The following AUTS2 variants were observed in gnomAD, a reference collection of about 807,000 sequenced individuals.
AUTS2 encodes autism susceptibility gene 2 protein.
AUTS2 carries 17 observed loss-of-function variants against 112.4 expected under a neutral mutation model. The ratio of observed to expected loss-of-function variants is 0.15; its 90% CI spans 0.10 to 0.23. AUTS2 has a LOEUF of 0.23. Ranked by LOEUF, AUTS2 falls within the 10% of genes least tolerant of loss-of-function variation. AUTS2 has a pLI of 1.00. For synonymous variants in AUTS2, 751 were observed against 702.7 expected, an observed-to-expected ratio of 1.07 and a Z score of -1.09; for missense variants, 1,510 against 1,701.6, an observed-to-expected ratio of 0.89 and a Z score of 1.98.
At chr7:69,876,361 T>A (rs867013175) in intron 1 of AUTS2, among the ~76,000 whole-genome samples, 68 of 108,564 alleles carry the variant, frequency 6.3e-4, no homozygotes, top group Middle Eastern at 4.3e-3. Flanking sequence ...TATATATATA[T>A]ATATATATAT....
At chr7:70,444,343 C>CGTGTGT (rs370735846) in intron 5 of AUTS2, among the ~76,000 whole-genome samples, 3,810 of 138,482 alleles carry the variant, frequency 0.028, 74 homozygotes, top group Non-Finnish European at 0.035. Context: ...TGGTCATGTA[C>CGTGTGT]GTGTGTGTGT....
chr7:69,740,949 G>T (rs748089902), intron 1 of AUTS2, among the ~76,000 whole-genome samples: 2 of 152,126 alleles, frequency 1.3e-5, no homozygotes, highest in Non-Finnish European at 2.9e-5. Context: ...GTGGCGATGG[G>T]CTTGGATAGT....
chr7:70,519,908 T>G (rs989384356), intron 5 of AUTS2, among the ~76,000 whole-genome samples: 4 of 152,218 alleles, frequency 2.6e-5, no homozygotes, highest in Admixed American at 2.0e-4. Flanking sequence ...CTGAGTCTAC[T>G]TTTTGAAATA....
intron 6 of AUTS2, among the ~76,000 whole-genome samples, chr7:70,727,176 G>A (rs182291775): frequency 3.9e-5 from 6 of 152,292 alleles, no homozygotes; most frequent in African/African-American, 1.4e-4. Context: ...GTAGCTTTCC[G>A]ATTGTGATCA....
chr7:69,778,246 ATTTTT>A (rs67736075), intron 1 of AUTS2, among the ~76,000 whole-genome samples: 1 of 128,160 alleles, frequency 7.8e-6, no homozygotes, highest in South Asian at 2.5e-4. Context: ...ATATATATAT[ATTTTT>A]TTTTTTTTTT....
chr7:70,731,577 C>A (rs1197668812), intron 6 of AUTS2, among the ~76,000 whole-genome samples: 1 of 151,424 alleles, frequency 6.6e-6, no homozygotes, highest in East Asian at 1.9e-4. Context: ...CTACAGGTGC[C>A]CGCCACCATG....
rs1405575403 is a variant in AUTS2 at position 69,800,413 on chromosome 7, G to A, written c.310-98873G>A. ...CCTATGATTATTTCTGGGATCAACA[G>A]ATACATCCCTGTTGTAGAAGTCCAA... On this transcript the variant is annotated intron_variant, in intron 1 of 18. Coordinates refer to ENST00000342771, the MANE Select transcript of AUTS2 (RefSeq NM_015570.4). Among the ~76,000 whole-genome samples the A allele has an allele frequency of 2.0e-5, 3 of 152,200 alleles. No individual in the cohort carries two copies. The East Asian group carries it at 5.8e-4, about 29-fold the overall frequency.
chr7:70,694,591 C>G lies in AUTS2; in HGVS notation c.691-3978C>G, dbSNP rs1808963874. 1 of 148,948 alleles carries G rather than the reference C, an allele frequency of 6.7e-6. No homozygotes were observed. Among genetic ancestry groups the G allele is most frequent in the Non-Finnish European group, 1.5e-5 (1 of 67,030 alleles). 9.2% of individuals were successfully genotyped at this position (148,948 alleles called of 1,614,324 possible). ...CCGCCTCGCTCTTAGCTCCGCGCGC[C>G]GCGGCGGCGGCTCAGGCCGCTCTTC... On this transcript the variant is annotated intron_variant, in intron 5 of 18. Coordinates refer to ENST00000342771, the MANE Select transcript of AUTS2 (RefSeq NM_015570.4). The surrounding 1 kb of genome is among the most constrained non-coding windows in gnomAD (Gnocchi z 4.1).
chr7:70,704,760 C>T (rs1276976447), intron 6 of AUTS2, among the ~76,000 whole-genome samples: 3 of 152,168 alleles, frequency 2.0e-5, no homozygotes, highest in African/African-American at 7.2e-5. Context: ...GTGGCTAGCC[C>T]GTGGCCTCTG....
Position 70,568,437 on chromosome 7 carries a change from G to A in AUTS2, c.691-130132G>A, listed in dbSNP as rs189906115. Among the ~76,000 whole-genome samples the A allele has an allele frequency of 1.8e-3, 279 of 152,292 alleles. 4 individuals carry two copies. Among genetic ancestry groups the A allele is most frequent in the Admixed American group, 6.0e-3 (92 of 15,298 alleles). On this transcript the variant is annotated intron_variant, in intron 5 of 18. Coordinates refer to ENST00000342771, the MANE Select transcript of AUTS2 (RefSeq NM_015570.4). ...CAATGCCTGGTGTGTTAAAGTGTTC[G>A]CAGTTGTTACTTTTTTAAATGTTTT...
intron 2 of AUTS2, among the ~76,000 whole-genome samples, chr7:69,917,822 TTTGTTGTTGTTGTTG>T (rs58362194): frequency 2.0e-5 from 3 of 149,228 alleles, no homozygotes; most frequent in East Asian, 2.0e-4. Context: ...CAAGGACACC[TTTGTTGTTGTTGTTG>T]TTGTTGTTGT....
At chr7:69,620,216 T>C (rs756049148) in intron 1 of AUTS2, among the ~76,000 whole-genome samples, 1 of 152,222 alleles carries the variant, frequency 6.6e-6, no homozygotes, top group South Asian at 2.1e-4. Context: ...TCTGTGCTCA[T>C]AAATTTGAGA....
chr7:70,684,003 A>G (rs1379855177), intron 5 of AUTS2, among the ~76,000 whole-genome samples: 1 of 152,208 alleles, frequency 6.6e-6, no homozygotes, highest in Non-Finnish European at 1.5e-5. Flanking sequence ...ACGACATTCT[A>G]GCTCCTCAGC....
chr7:70,601,126 C>T (rs1321752597), intron 5 of AUTS2, among the ~76,000 whole-genome samples: 1 of 152,224 alleles, frequency 6.6e-6, no homozygotes, highest in Non-Finnish European at 1.5e-5. Flanking sequence ...TACCATTTGA[C>T]ATTCTTACAA....
At chr7:70,358,181 TTTC>T (rs1436706662) in intron 4 of AUTS2, among the ~76,000 whole-genome samples, 2 of 152,202 alleles carry the variant, frequency 1.3e-5, no homozygotes, top group Non-Finnish European at 2.9e-5. Flanking sequence ...CCAATAGTAT[TTTC>T]TTATCAGCCC....
intron 2 of AUTS2, among the ~76,000 whole-genome samples, chr7:70,090,600 G>A (rs1178388978): frequency 6.6e-6 from 1 of 151,414 alleles, no homozygotes; most frequent in Non-Finnish European, 1.5e-5. Flanking sequence ...ACAATTTCTG[G>A]TGCTCTTCAT....
chr7:70,125,159 A>G (rs531122565), intron 3 of AUTS2, among the ~76,000 whole-genome samples: 18 of 152,096 alleles, frequency 1.2e-4, no homozygotes, highest in Non-Finnish European at 2.2e-4. Flanking sequence ...AATGCCAGAC[A>G]TTATAAAATT....
At chr7:69,651,214 G>A (rs1007079665) in intron 1 of AUTS2, among the ~76,000 whole-genome samples, 2 of 152,130 alleles carry the variant, frequency 1.3e-5, no homozygotes, top group Non-Finnish European at 2.9e-5. Context: ...GACATCTCTG[G>A]CAAGTAGTGC....
chr7:69,786,213 A>G (rs1340331606), intron 1 of AUTS2, among the ~76,000 whole-genome samples: 1 of 152,066 alleles, frequency 6.6e-6, no homozygotes, highest in Admixed American at 6.6e-5. Flanking sequence ...CTCTGTAGAA[A>G]TGCAGCAATC....
Sources: allele counts gnomAD v4.1 joint callset (sites outside exome capture counted in the v4.1 genomes callset), GRCh38; gene constraint gnomAD v4.1.1; non-coding constraint Gnocchi (gnomAD v3.1); transcripts MANE v1.5; gene names NCBI Gene and HGNC (gene_info 2026-07-23, HGNC 2026-07-21).